Variants in KLHL12 observed in about 807,000 individuals in gnomAD.
KLHL12 encodes kelch-like protein 12.
In KLHL12, 17 loss-of-function variants were observed where a neutral mutation model predicts 60.8. That is an observed-to-expected ratio of 0.28 (90% CI 0.19 to 0.42). The LOEUF (loss-of-function observed/expected upper bound fraction) is 0.42, where lower values mean the gene tolerates loss of function less well. Ranked by LOEUF, KLHL12 falls within the 10% of genes least tolerant of loss-of-function variation. The probability of loss-of-function intolerance (pLI) is 1.00; values close to 1 mark genes in which losing one functional copy is unlikely to be tolerated. For missense variants in KLHL12, 468 were observed against 722.3 expected (o/e 0.65, Z 4.04); for synonymous variants, 220 against 250.9 (o/e 0.88, Z 1.16).
chr1:202,894,388 A>G, intron 9 of KLHL12, 106 bp from the exon 10 acceptor site: 3 of 920,920 alleles, frequency 3.3e-6, no homozygotes, highest in East Asian at 2.5e-5. Context: ...CAATTTTCCC[A>G]CAAGAGTTCC....
chr1:202,925,172 C>A lies in KLHL12; in HGVS notation c.-10G>T. 1 of 1,613,252 alleles carries A rather than the reference C, an allele frequency of 6.2e-7. No individual in the cohort carries two copies. Among genetic ancestry groups the A allele is most frequent in the African/African-American group, 1.3e-5 (1 of 74,850 alleles). The stretch of plus-strand genomic sequence containing the variant: ...CCATAATGCCTCCCATAAAGCAGTG[C>A]GGAGAAAGAACAAAATGGGTCCTTG... On this transcript the variant is annotated 5_prime_UTR_variant, in exon 2 of 12. Coordinates refer to ENST00000367261, the MANE Select transcript of KLHL12 (RefSeq NM_021633.4).
intron 2 of KLHL12, among the ~76,000 whole-genome samples, chr1:202,922,687 C>T (rs978931157): frequency 6.6e-6 from 1 of 151,496 alleles, no homozygotes; most frequent in African/African-American, 2.4e-5. Flanking sequence ...GGGGTTTCAC[C>T]GTGTTAGCCA....
chr1:202,921,201 G>A (rs531871526), intron 2 of KLHL12, among the ~76,000 whole-genome samples: 4 of 147,550 alleles, frequency 2.7e-5, no homozygotes, highest in Non-Finnish European at 6.0e-5. Flanking sequence ...TTTTGACACA[G>A]TCTTGCTCTG....
At chr1:202,915,819 G>C (rs1040143739) in intron 4 of KLHL12, among the ~76,000 whole-genome samples, 2 of 152,208 alleles carry the variant, frequency 1.3e-5, no homozygotes, top group Non-Finnish European at 2.9e-5. Flanking sequence ...AAAATACCAA[G>C]AATGGTGCCA....
Position 202,894,251 on chromosome 1 carries a change from T to G in KLHL12, c.1326A>C (p.Ser442=). The stretch of plus-strand genomic sequence containing the variant: ...CTGTATGAGGGTCGTATTTCTCAAC[T>G]GAATTTAAGATATTCAAGCCGTCAT... ...GGYDGLNILN[S]VEKYDPHTGH... The change falls in exon 10 of 12, where the codon TCA becomes TCC. Residue 442 remains serine, a synonymous_variant. Coordinates refer to ENST00000367261, the MANE Select transcript of KLHL12 (RefSeq NM_021633.4). 6.4e-7 allele frequency: 1 copy of G among 1,557,450 alleles called. No homozygotes were observed. The highest frequency in any genetic ancestry group is 8.7e-7 in the Non-Finnish European group (1 of 1,149,248).
In KLHL12 at chr1:202,896,838, T is replaced by A; in HGVS notation, c.939+16A>T. On this transcript the variant is annotated intron_variant, in intron 7 of 11. Coordinates refer to ENST00000367261, the MANE Select transcript of KLHL12 (RefSeq NM_021633.4). ...ATTTAACATCCCTCCCAACGAATGG[T>A]TTCACCATTATTTACTGGCAAAAAG... 1 of 1,583,732 alleles carries A rather than the reference T, an allele frequency of 6.3e-7. No homozygotes were observed. The highest frequency in any genetic ancestry group is 8.7e-7 in the Non-Finnish European group (1 of 1,152,266).
At position 202,893,926 on chromosome 1, in the gene KLHL12, T is replaced by G. The variant is rs549102745; in HGVS notation, c.1393+258A>C. Among the ~76,000 whole-genome samples the G allele has an allele frequency of 3.9e-5, 6 of 152,334 alleles. No homozygotes were observed. Among genetic ancestry groups the G allele is most frequent in the East Asian group, 3.9e-4 (2 of 5,192 alleles). Reference sequence around the variant, plus strand: ...TTATTTAACAGATATTTATTAAGCATGTACTACACAGGCAAAATTGTACTA... The same window carrying G: ...TTATTTAACAGATATTTATTAAGCAGGTACTACACAGGCAAAATTGTACTA... On this transcript the variant is annotated intron_variant, in intron 10 of 11. Transcript: ENST00000367261. The surrounding 1 kb of genome is among the most constrained non-coding windows in gnomAD (Gnocchi z 4.1).
rs760784295 is a variant in KLHL12 at position 202,895,564 on chromosome 1, T to C, written c.1093A>G (p.Met365Val). 1.2e-6 allele frequency: 2 copies of C among 1,614,076 alleles called. No individual in the cohort carries two copies. The highest frequency in any genetic ancestry group is 2.2e-5 in the East Asian group (1 of 44,878). Reference sequence around the variant, plus strand: ...CCAGCAAGACCTCGTCGGACATTCATAGGGGCCACAGAATACCAGACCCCA... The same window carrying C: ...CCAGCAAGACCTCGTCGGACATTCACAGGGGCCACAGAATACCAGACCCCA... ...EDGVWYSVAP[M>V]NVRRGLAGAT... The change falls in exon 8 of 12, where the codon ATG (methionine) becomes GTG (valine). Residue 365 changes from methionine (M) to valine (V), a missense_variant. This residue lies in a region of KLHL12 where 339 missense variants were observed against 525.0 expected (regional missense o/e 0.65). Coordinates refer to ENST00000367261, the MANE Select transcript of KLHL12 (RefSeq NM_021633.4). The surrounding 1 kb of genome is among the most constrained non-coding windows in gnomAD (Gnocchi z 4.2).
At chr1:202,900,443 C>T (rs1369647686) in intron 6 of KLHL12, among the ~76,000 whole-genome samples, 1 of 151,778 alleles carries the variant, frequency 6.6e-6, no homozygotes, top group Non-Finnish European at 1.5e-5. Flanking sequence ...CCAGCTACTC[C>T]TGAGGCTGAC....
chr1:202,911,107 C>A lies in KLHL12; in HGVS notation c.664G>T (p.Val222Leu). Residue 222 changes from valine to leucine, a missense_variant, in exon 5 of 12, where the codon GTG (valine) becomes TTG (leucine). Val to Leu is a conservative substitution (Grantham distance 32, BLOSUM62 1). This residue lies in a region of KLHL12 where 339 missense variants were observed against 525.0 expected (regional missense o/e 0.65). Transcript: ENST00000367261. ...EESLPNLLQYVRMPLLTPRYI... is the reference protein window; with the variant it reads ...EESLPNLLQYLRMPLLTPRYI... ...CTGGGGGTTAGTAGGGGCATCCGCA[C>A]ATACTGTAGCAGGTTAGGCAAGGAT... The A allele has an allele frequency of 6.2e-7, 1 of 1,614,164 alleles. No individual in the cohort carries two copies. The highest frequency in any genetic ancestry group is 8.5e-7 in the Non-Finnish European group (1 of 1,180,026).
At position 202,908,539 on chromosome 1, in the gene KLHL12, C is replaced by T. The variant is rs1660263377; in HGVS notation, c.832+471G>A. 2.0e-5 allele frequency among the ~76,000 whole-genome samples: 3 copies of T among 152,242 alleles called. 1 individual carries two copies. Among genetic ancestry groups the T allele is most frequent in the Non-Finnish European group, 4.4e-5 (3 of 68,022 alleles). ...AAATCTAGTACGAGGTAAACTGGTA[C>T]CTGCACCAACAGTAACTGCCAAAAC... is the stretch of plus-strand genomic sequence containing the variant. On this transcript the variant is annotated intron_variant, in intron 6 of 11. Transcript: ENST00000367261.
At position 202,893,339 on chromosome 1, in the gene KLHL12, T is replaced by C; in HGVS notation, c.1480A>G (p.Asn494Asp). 6.2e-7 allele frequency: 1 copy of C among 1,613,992 alleles called. No individual in the cohort carries two copies. Among genetic ancestry groups the C allele is most frequent in the Non-Finnish European group, 8.5e-7 (1 of 1,179,930 alleles). ...GTTGTCCAGGAATCAGTGCGAATGT[T>C]GTATGCTTCAACGGAAGAAAGGTGG... Reference protein sequence around the residue: ...TAHLSSVEAYNIRTDSWTTVT... With the variant: ...TAHLSSVEAYDIRTDSWTTVT... The change falls in exon 11 of 12, where the codon AAC becomes GAC. Residue 494 changes from asparagine to aspartate, a missense_variant. Around this residue, in one of 4 missense-constraint regions of KLHL12, gnomAD observed 68 missense variants for 119.8 expected, o/e 0.57. Transcript: ENST00000367261. The surrounding 1 kb of genome is among the most constrained non-coding windows in gnomAD (Gnocchi z 4.1).
chr1:202,895,112 C>G lies in KLHL12; in HGVS notation c.1136-363G>C, dbSNP rs1659791431. On this transcript the variant is annotated intron_variant, in intron 8 of 11. Coordinates refer to ENST00000367261, the MANE Select transcript of KLHL12 (RefSeq NM_021633.4). This position sits in a 1 kb window ranked among gnomAD's most constrained non-coding sequence, Gnocchi z 4.2. ...GAAAGCAAAAAGGAGTATTTGTCGGCTGGGCACAGTGGCTCACACCTGTAA... is the reference window on the plus strand; with the variant it reads ...GAAAGCAAAAAGGAGTATTTGTCGGGTGGGCACAGTGGCTCACACCTGTAA... Among the ~76,000 whole-genome samples the G allele has an allele frequency of 3.3e-5, 5 of 152,290 alleles. No individual in the cohort carries two copies. In the South Asian group the frequency reaches 1.0e-3, roughly 32 times the overall value.
chr1:202,928,535 T>G (rs1425923992), upstream of KLHL12: 1 of 1,304,354 alleles, frequency 7.7e-7, no homozygotes, highest in East Asian at 5.6e-5. Context: ...AGGCCTCAAA[T>G]TTATTCACGT....
In KLHL12 at chr1:202,919,747, G is replaced by A; in HGVS notation, c.349+8C>T. On this transcript the variant is annotated splice_region_variant and intron_variant, in intron 3 of 11. Coordinates refer to ENST00000367261, the MANE Select transcript of KLHL12 (RefSeq NM_021633.4). Reference sequence around the variant, plus strand: ...GACATAAACAATAGCAAGTTTTAATGTCTGTACCTTTCAACTGAAGCAGAC... The same window carrying A: ...GACATAAACAATAGCAAGTTTTAATATCTGTACCTTTCAACTGAAGCAGAC... The A allele has an allele frequency of 6.2e-7, 1 of 1,609,742 alleles. No individual in the cohort carries two copies. Among genetic ancestry groups the A allele is most frequent in the Non-Finnish European group, 8.5e-7 (1 of 1,178,428 alleles).
At chr1:202,925,562 A>C (rs1420920324) in intron 1 of KLHL12, among the ~76,000 whole-genome samples, 1 of 152,164 alleles carries the variant, frequency 6.6e-6, no homozygotes, top group Non-Finnish European at 1.5e-5. Context: ...AAGGTGTTAT[A>C]TTATTACTAT....
chr1:202,911,531 G>A (rs1660359765), intron 4 of KLHL12, among the ~76,000 whole-genome samples: 1 of 151,786 alleles, frequency 6.6e-6, no homozygotes, highest in Non-Finnish European at 1.5e-5. Context: ...CTTCGTTTCA[G>A]AATTTTTCCC....
At chr1:202,927,981 TAAA>T (rs375809629), upstream of KLHL12, among the ~76,000 whole-genome samples, 4 of 103,686 alleles carry the variant, frequency 3.9e-5, no homozygotes, top group Admixed American at 1.1e-4. Context: ...CTCTGTCTCT[TAAA>T]AAAAAAAAAA....
upstream of KLHL12, chr1:202,928,561 G>T: frequency 1.5e-6 from 2 of 1,301,550 alleles, no homozygotes; most frequent in Non-Finnish European, 2.0e-6. Context: ...GTCCACAATG[G>T]CCTTTTCGGG....
Sources: allele counts gnomAD v4.1 joint callset (sites outside exome capture counted in the v4.1 genomes callset), GRCh38; gene constraint gnomAD v4.1.1; regional missense constraint gnomAD v4.1.1; non-coding constraint Gnocchi (gnomAD v3.1); transcripts MANE v1.5; gene names NCBI Gene and HGNC (gene_info 2026-07-23, HGNC 2026-07-21).